The following HOMER2 variants were observed in gnomAD, a reference collection of about 807,000 sequenced individuals.
HOMER2 encodes the protein homer protein homolog 2.
In HOMER2, 27 loss-of-function variants were observed where a neutral mutation model predicts 47.0. That is an observed-to-expected ratio of 0.57 (90% CI 0.42 to 0.79). The LOEUF is 0.79. HOMER2 is among the 30% of genes least tolerant of loss of function. HOMER2 has a pLI of 0.00. For missense variants in HOMER2, 443 were observed against 435.0 expected (o/e 1.02, Z -0.16); for synonymous variants, 161 against 163.8 (o/e 0.98, Z 0.13).
upstream of HOMER2, among the ~76,000 whole-genome samples, chr15:82,956,360 G>A (rs779926597): frequency 1.3e-5 from 2 of 152,080 alleles, no homozygotes; most frequent in African/African-American, 2.4e-5. Flanking sequence ...GAATCATGCT[G>A]TTCTGAAGAG....
In HOMER2 at chr15:82,961,748, T is replaced by G. The variant is rs533367705; in HGVS notation, n.83-2440A>C. On this transcript the variant is annotated intron_variant and non_coding_transcript_variant, in intron 1 of 1. Coordinates refer to the HOMER2 transcript ENST00000500334. The stretch of plus-strand genomic sequence containing the variant: ...CCTCACCACTATCCATCTCCAGAAC[T>G]TCTCCATTATCCCAAACCAACATAA... Among the ~76,000 whole-genome samples, 11 of 152,290 alleles carry G rather than the reference T, an allele frequency of 7.2e-5. 1 individual carries two copies. The South Asian group carries it at 1.4e-3, about 20-fold the overall frequency.
At position 82,882,881 on chromosome 15, in the gene HOMER2, CTTT is replaced by C. The variant is rs757073475; in HGVS notation, c.163-7480_163-7478del. On this transcript the variant is annotated intron_variant, in intron 2 of 8. Coordinates refer to ENST00000450735, the MANE Select transcript of HOMER2 (RefSeq NM_004839.4). ...TGAGTCCATTCTACACCAGCCACTG[CTTT>C]TTTTTTTTTTTTTTTTTTTTTTATT... Among the ~76,000 whole-genome samples, 37 of 27,052 alleles carry C rather than the reference CTTT, an allele frequency of 1.4e-3. 1 individual carries two copies. The highest frequency in any genetic ancestry group is 3.2e-3 in the South Asian group (2 of 618). 17.7% of individuals were successfully genotyped at this position (27,052 alleles called of 152,430 possible).
At chr15:82,877,255 C>T (rs1313803632) in intron 2 of HOMER2, among the ~76,000 whole-genome samples, 6 of 152,072 alleles carry the variant, frequency 3.9e-5, no homozygotes, top group Admixed American at 3.3e-4. Context: ...CTGCAACCTC[C>T]ACCTCCTAGG....
intron 1 of HOMER2, among the ~76,000 whole-genome samples, chr15:82,900,007 G>C (rs917935384): frequency 3.9e-5 from 6 of 152,140 alleles, no homozygotes; most frequent in Non-Finnish European, 5.9e-5. Flanking sequence ...GGGCAACACA[G>C]TAGGTGAGAC....
chr15:82,850,899 G>A (rs1293983868), intron 8 of HOMER2, among the ~76,000 whole-genome samples: 2 of 152,138 alleles, frequency 1.3e-5, no homozygotes, highest in Non-Finnish European at 2.9e-5. Flanking sequence ...GGAAACAGTC[G>A]TCTACACTGT....
intron 3 of HOMER2, among the ~76,000 whole-genome samples, chr15:82,866,796 A>G (rs939623567): frequency 1.3e-5 from 2 of 152,206 alleles, no homozygotes; most frequent in African/African-American, 4.8e-5. Flanking sequence ...ACCTTCCGCC[A>G]TGATTGTGAG....
At chr15:82,976,659 A>C (rs983899996) in intron 1 of HOMER2, among the ~76,000 whole-genome samples, 1 of 141,972 alleles carries the variant, frequency 7.0e-6, no homozygotes. Context: ...GTACGATTAG[A>C]TCTTAAGATT....
At chr15:82,851,118 G>A (rs1180828758) in intron 8 of HOMER2, 33 bp downstream of exon 8, 3 of 1,410,270 alleles carry the variant, frequency 2.1e-6, no homozygotes, top group Non-Finnish European at 3.0e-6. Context: ...CTTCTTGTCT[G>A]AGCCAGGATG....
At chr15:82,920,885 G>A (rs982117955) in intron 1 of HOMER2, among the ~76,000 whole-genome samples, 1 of 138,342 alleles carries the variant, frequency 7.2e-6, no homozygotes, top group Non-Finnish European at 1.5e-5. Context: ...GTCTTACTAT[G>A]TTGCCCAGGC....
At chr15:82,878,356 G>A (rs1449089563) in intron 2 of HOMER2, among the ~76,000 whole-genome samples, 2 of 152,088 alleles carry the variant, frequency 1.3e-5, no homozygotes, top group East Asian at 3.8e-4. Flanking sequence ...TTTTCAGATG[G>A]CGAAACTGAG....
intron 1 of HOMER2, among the ~76,000 whole-genome samples, chr15:82,899,931 A>G (rs1162136777): frequency 6.6e-6 from 1 of 152,156 alleles, no homozygotes; most frequent in Non-Finnish European, 1.5e-5. Flanking sequence ...CTGAGGCAGG[A>G]GAATCGCTTG....
At chr15:82,839,974 G>C (rs1397142336) in exon 2 of HOMER2, 1 of 151,998 alleles carries the variant, frequency 6.6e-6, no homozygotes, top group Non-Finnish European at 1.5e-5. Context: ...AAGTTTGTAA[G>C]AAATGCTAAA....
chr15:82,843,392 TGAGATCACGCCACTGCACTCCAGCCTG>T (rs1237191457), exon 2 of HOMER2: 2 of 125,680 alleles, frequency 1.6e-5, no homozygotes, highest in Non-Finnish European at 3.1e-5. Flanking sequence ...TGCAGTGAGC[TGAGATCACGCCACTGCACTCCAGCCTG>T]GGGGCCAGGG....
downstream of HOMER2, chr15:82,843,990 G>C (rs906268091): frequency 6.6e-6 from 1 of 152,188 alleles, no homozygotes; most frequent in Non-Finnish European, 1.5e-5. Flanking sequence ...GTAACATGAA[G>C]GGAGAAGGGG....
Position 82,854,086 on chromosome 15 carries a change from G to A in HOMER2, c.651+558C>T, listed in dbSNP as rs114134573. On this transcript the variant is annotated intron_variant, in intron 6 of 8. Transcript: ENST00000450735. The stretch of plus-strand genomic sequence containing the variant: ...CAGTTTATCTTCTCCTCAGTAAGAG[G>A]AATTATAAAACTTGGTTCAGAAAAG... Among the ~76,000 whole-genome samples the A allele has an allele frequency of 2.5e-3, 379 of 152,272 alleles. 2 individuals are homozygous for A. Among genetic ancestry groups the A allele is most frequent in the African/African-American group, 8.3e-3 (347 of 41,564 alleles).
rs1025545178 is a variant in HOMER2 at position 82,914,770 on chromosome 15, G to C, written c.6-21929C>G. ...GCTGGGAGCAACTCCTGGTGAGGTC[G>C]GGGATGGCTTCACAGAGATAATGAC... On this transcript the variant is annotated intron_variant, in intron 1 of 8. Transcript: ENST00000450735. Among the ~76,000 whole-genome samples the C allele has an allele frequency of 2.0e-5, 3 of 152,302 alleles. No homozygotes were observed. In the East Asian group the frequency reaches 5.8e-4, roughly 29 times the overall value.
intron 2 of HOMER2, among the ~76,000 whole-genome samples, chr15:82,882,881 C>CTTTTTTTTT (rs757073475): frequency 1.1e-4 from 3 of 27,038 alleles, no homozygotes; most frequent in Non-Finnish European, 1.9e-4. Flanking sequence ...CCAGCCACTG[C>CTTTTTTTTT]TTTTTTTTTT....
intron 6 of HOMER2, among the ~76,000 whole-genome samples, chr15:82,853,079 G>A (rs772471641): frequency 1.9e-4 from 29 of 152,196 alleles, no homozygotes; most frequent in Non-Finnish European, 3.7e-4. Flanking sequence ...GAAGGGCACC[G>A]AGGACACTTC....
chr15:82,879,916 TC>T (rs1357128512), intron 2 of HOMER2, among the ~76,000 whole-genome samples: 2 of 152,044 alleles, frequency 1.3e-5, no homozygotes, highest in Non-Finnish European at 2.9e-5. Flanking sequence ...GAAATACTAA[TC>T]CAGCAGGAAA....
Sources: gnomAD v4.1 joint callset for allele counts (sites outside exome capture counted in the v4.1 genomes callset) on GRCh38, gnomAD v4.1.1 for gene constraint, MANE v1.5 for transcripts, NCBI Gene and HGNC (gene_info 2026-07-23, HGNC 2026-07-21) for gene names.